DENND1A: variants seen among roughly 807,000 people sequenced by gnomAD.
The protein encoded by DENND1A is DENN domain containing 1A.
Under a neutral mutation model 113.7 loss-of-function variants are expected in DENND1A, and 51 were observed. The ratio of observed to expected loss-of-function variants is 0.45; its 90% confidence interval spans 0.36 to 0.57. The LOEUF (loss-of-function observed/expected upper bound fraction) is 0.57. DENND1A is among the 20% of genes least tolerant of loss of function. The probability of loss-of-function intolerance (pLI) is 0.00; values close to 1 mark genes in which losing one functional copy is unlikely to be tolerated. For synonymous variants in DENND1A, 565 were observed against 570.8 expected, an observed-to-expected ratio of 0.99 and a Z score of 0.14; for missense variants, 1,258 against 1,395.9, an observed-to-expected ratio of 0.90 and a Z score of 1.57.
chr9:123,414,249 A>C, intron 19 of DENND1A: 1 of 1,273,664 alleles, frequency 7.9e-7, no homozygotes, highest in South Asian at 1.9e-5. Context: ...GTGTCCTGTT[A>C]GGAAGATTCA....
At chr9:123,469,470 C>G (rs549841275) in intron 13 of DENND1A, among the ~76,000 whole-genome samples, 3 of 152,232 alleles carry the variant, frequency 2.0e-5, no homozygotes, top group Non-Finnish European at 2.9e-5. Flanking sequence ...ACAGGCGTGT[C>G]GGCCCACGCC....
intron 9 of DENND1A, among the ~76,000 whole-genome samples, chr9:123,639,115 G>C (rs935382245): frequency 1.4e-5 from 2 of 146,926 alleles, no homozygotes; most frequent in African/African-American, 5.0e-5. Flanking sequence ...ACTGTTCCCT[G>C]TAGTTTTCTT....
chr9:123,921,618 C>T (rs541960972), intron 1 of DENND1A, among the ~76,000 whole-genome samples: 1 of 152,340 alleles, frequency 6.6e-6, no homozygotes, highest in Admixed American at 6.5e-5. Context: ...TTGCCTTCAG[C>T]AATTTAGTCC....
chr9:123,851,997 G>C (rs951364367), intron 2 of DENND1A, among the ~76,000 whole-genome samples: 1 of 152,148 alleles, frequency 6.6e-6, no homozygotes, highest in Non-Finnish European at 1.5e-5. Context: ...TCTCCATCAG[G>C]AAACTTCCAA....
chr9:123,915,830 T>C (rs568222829), intron 1 of DENND1A, among the ~76,000 whole-genome samples: 1 of 152,288 alleles, frequency 6.6e-6, no homozygotes, highest in South Asian at 2.1e-4. Context: ...TTCGTGACCA[T>C]ATATGTTTGT....
rs1044482922 is a variant in DENND1A at position 123,568,989 on chromosome 9, A to G, written c.868-11294T>C. ...TAGTGGGAACGGCCAAATATTAAGCAGTTTTAAGGCAGGGCAAAGACCTAG... is the reference window on the plus strand; with the variant it reads ...TAGTGGGAACGGCCAAATATTAAGCGGTTTTAAGGCAGGGCAAAGACCTAG... On this transcript the variant is annotated intron_variant, in intron 12 of 23. Transcript: ENST00000394215. Among the ~76,000 whole-genome samples the G allele has an allele frequency of 2.6e-5, 4 of 152,364 alleles. No individual in the cohort carries two copies. In the East Asian group the frequency reaches 7.7e-4, roughly 29 times the overall value.
chr9:123,402,273 C>CAT (rs2043544113), intron 21 of DENND1A, among the ~76,000 whole-genome samples: 1 of 152,156 alleles, frequency 6.6e-6, no homozygotes, highest in African/African-American at 2.4e-5. Context: ...CGCACGCACA[C>CAT]ATATAATTCT....
At chr9:123,649,619 C>A (rs1006110803) in intron 9 of DENND1A, among the ~76,000 whole-genome samples, 2 of 152,076 alleles carry the variant, frequency 1.3e-5, no homozygotes, top group Non-Finnish European at 2.9e-5. Flanking sequence ...GTTAAATAAC[C>A]TATTTAATTT....
intron 2 of DENND1A, among the ~76,000 whole-genome samples, chr9:123,800,430 T>C (rs1303040245): frequency 6.6e-6 from 1 of 152,202 alleles, no homozygotes; most frequent in Non-Finnish European, 1.5e-5. Context: ...AGCTCTCTAT[T>C]TAATAAATAA....
intron 13 of DENND1A, among the ~76,000 whole-genome samples, chr9:123,476,183 CA>C (rs796448765): frequency 0.019 from 2,380 of 123,022 alleles, 29 homozygotes; most frequent in African/African-American, 0.039. Flanking sequence ...GACCACATCT[CA>C]AAAAAAAAAA....
At position 123,838,469 on chromosome 9, in the gene DENND1A, G is replaced by T. The variant is rs543833831; in HGVS notation, c.88+40482C>A. ...GCTCCATTTCAATACTCAGTTATAA[G>T]AAAAATGATGATACTTGAGGAGCAA... On this transcript the variant is annotated intron_variant, in intron 2 of 23. Coordinates refer to ENST00000394215, the MANE Select transcript of DENND1A (RefSeq NM_001352964.2). Among the ~76,000 whole-genome samples, 22 of 141,776 alleles carry T rather than the reference G, an allele frequency of 1.6e-4. No individual in the cohort carries two copies. In the East Asian group the frequency reaches 4.3e-3, roughly 27 times the overall value. The allele number at this position is 141,776 out of a possible 152,430, so 93.0% of individuals were successfully genotyped here.
At chr9:123,735,429 A>T (rs888591215) in intron 5 of DENND1A, among the ~76,000 whole-genome samples, 6 of 152,128 alleles carry the variant, frequency 3.9e-5, no homozygotes. Context: ...AGCAAATGCA[A>T]ACCCCTCTGA....
chr9:123,625,148 T>C (rs1589404560), intron 10 of DENND1A, among the ~76,000 whole-genome samples: 1 of 152,188 alleles, frequency 6.6e-6, no homozygotes, highest in Non-Finnish European at 1.5e-5. Context: ...ATTCTCTTAA[T>C]AAAAATTTGA....
At chr9:123,748,656 G>C (rs1256012279) in intron 5 of DENND1A, among the ~76,000 whole-genome samples, 1 of 152,114 alleles carries the variant, frequency 6.6e-6, no homozygotes, top group Non-Finnish European at 1.5e-5. Context: ...GGTGTATTTT[G>C]AGCCATTTTC....
chr9:123,426,780 C>G (rs2045766158), intron 19 of DENND1A, among the ~76,000 whole-genome samples: 1 of 152,186 alleles, frequency 6.6e-6, no homozygotes, highest in Admixed American at 6.5e-5. Flanking sequence ...TTGCAACTGG[C>G]TGTGGAAAGC....
chr9:123,538,373 A>G (rs2055956714), intron 13 of DENND1A, among the ~76,000 whole-genome samples: 2 of 152,206 alleles, frequency 1.3e-5, no homozygotes, highest in South Asian at 4.1e-4. Flanking sequence ...CCTAGAAACA[A>G]TGGCCAACTC....
At chr9:123,810,064 T>C (rs976524830) in intron 2 of DENND1A, among the ~76,000 whole-genome samples, 2 of 152,222 alleles carry the variant, frequency 1.3e-5, no homozygotes, top group Non-Finnish European at 2.9e-5. Flanking sequence ...TTCCTCCCTC[T>C]TGCTATTAAT....
intron 18 of DENND1A, among the ~76,000 whole-genome samples, chr9:123,449,834 G>A (rs1409488226): frequency 6.6e-6 from 1 of 152,094 alleles, no homozygotes; most frequent in Non-Finnish European, 1.5e-5. Context: ...AGACTTTGCG[G>A]ACTCGGGGAA....
intron 3 of DENND1A, among the ~76,000 whole-genome samples, chr9:123,779,011 TCA>T (rs1830856790): frequency 6.6e-6 from 1 of 152,176 alleles, no homozygotes; most frequent in South Asian, 2.1e-4. Context: ...CATCCAAAAC[TCA>T]CAACTGTTTT....
Sources: gnomAD v4.1 joint callset for allele counts (sites outside exome capture counted in the v4.1 genomes callset) on GRCh38, gnomAD v4.1.1 for gene constraint, MANE v1.5 for transcripts, NCBI Gene and HGNC (gene_info 2026-07-23, HGNC 2026-07-21) for gene names.